The following LYST variants were observed in gnomAD, a reference collection of about 807,000 sequenced individuals.
The protein encoded by LYST is lysosomal-trafficking regulator.
LYST carries 192 observed loss-of-function variants against 413.6 expected under a neutral mutation model. The observed-to-expected ratio is 0.46, with a 90% CI of 0.41 to 0.52. LYST has a LOEUF of 0.52. Among genes scored for constraint, LYST ranks in the 20% least tolerant of loss-of-function variants. The pLI is 0.00. For synonymous variants in LYST, 1,525 were observed against 1,567.3 expected (o/e 0.97, Z 0.64); for missense variants, 3,815 against 4,499.9 (o/e 0.85, Z 4.35).
At position 235,686,431 on chromosome 1, in the gene LYST, G is replaced by C. The variant is rs1433582728; in HGVS notation, c.10800+518C>G. ...AAAACAGTAAATTAAAAGAAGCATT[G>C]CATAATCTGTCTTATTTTTTCCCGT... On this transcript the variant is annotated intron_variant, in intron 48 of 52. Coordinates refer to ENST00000389793, the MANE Select transcript of LYST (RefSeq NM_000081.4). The surrounding 1 kb of genome is among the most constrained non-coding windows in gnomAD (Gnocchi z 4.0). 1.3e-5 allele frequency among the ~76,000 whole-genome samples: 2 copies of C among 152,200 alleles called. No homozygotes were observed. The highest frequency in any genetic ancestry group is 4.1e-4 in the South Asian group (2 of 4,820).
chr1:235,730,706 A>G (rs1427440535), intron 36 of LYST, 141 bp downstream of exon 36: 1 of 673,918 alleles, frequency 1.5e-6, no homozygotes, highest in Admixed American at 2.5e-5. Flanking sequence ...TTTTGGCCAT[A>G]TAACCTTGTC....
At chr1:235,763,865 C>A (rs575516599) in intron 21 of LYST, among the ~76,000 whole-genome samples, 62 of 152,242 alleles carry the variant, frequency 4.1e-4, no homozygotes, top group African/African-American at 1.5e-3. Flanking sequence ...TAAATGGTAT[C>A]CTTGATGAGC....
chr1:235,788,885 C>T (rs760116262), intron 12 of LYST, 40 bp from the exon 13 acceptor site: 13 of 1,588,876 alleles, frequency 8.2e-6, no homozygotes, highest in East Asian at 2.2e-5. Flanking sequence ...TAAAATGGTT[C>T]GTAACAACTG....
At position 235,788,841 on chromosome 1, in the gene LYST, G is replaced by A. The variant is rs116551057; in HGVS notation, c.4548C>T (p.Ser1516=). ...TGTACTCTGCACCTTCTGGTCTGTCGCTCTCTATAAGAAAAAGATGTTAGA... is the reference window on the plus strand; with the variant it reads ...TGTACTCTGCACCTTCTGGTCTGTCACTCTCTATAAGAAAAAGATGTTAGA... ...LPDSSFDGTE[S]DRPEGAEYIN... The change falls in exon 13 of 53, where the codon AGC becomes AGT. Residue 1516 remains serine, a synonymous_variant. Transcript: ENST00000389793. 1.8e-4 allele frequency: 292 copies of A among 1,612,978 alleles called. 1 individual carries two copies. The African/African-American group carries it at 3.3e-3, about 18-fold the overall frequency.
chr1:235,694,618 T>C lies in LYST; in HGVS notation c.10565-1132A>G, dbSNP rs555516686. ...GTGAAAATAGGCAATTCACAGCTTT[T>C]TGTTTTGCTGAGTAAAATAAGAAAT... On this transcript the variant is annotated intron_variant, in intron 46 of 52. Coordinates refer to ENST00000389793, the MANE Select transcript of LYST (RefSeq NM_000081.4). Among the ~76,000 whole-genome samples, 28 of 152,304 alleles carry C rather than the reference T, an allele frequency of 1.8e-4. 1 individual carries two copies. The South Asian group carries it at 5.6e-3, about 30-fold the overall frequency.
intron 1 of LYST, among the ~76,000 whole-genome samples, chr1:235,840,724 A>G (rs1677109885): frequency 6.6e-6 from 1 of 152,236 alleles, no homozygotes; most frequent in Non-Finnish European, 1.5e-5. Flanking sequence ...TCTAGTGGCA[A>G]TGTGGAAGAC....
At position 235,674,829 on chromosome 1, in the gene LYST, T is replaced by A. The variant is rs1659245508; in HGVS notation, c.11038+2262A>T. On this transcript the variant is annotated intron_variant, in intron 50 of 52. Transcript: ENST00000389793. The surrounding 1 kb of genome is among the most constrained non-coding windows in gnomAD (Gnocchi z 4.1). ...GGGCCTTACCACCCTAGCAAATAAA[T>A]TAGCCGAAAAGTCATAGAAAAATGG... Among the ~76,000 whole-genome samples, 1 of 152,146 alleles carries A rather than the reference T, an allele frequency of 6.6e-6. No homozygotes were observed. Among genetic ancestry groups the A allele is most frequent in the South Asian group, 2.1e-4 (1 of 4,820 alleles).
chr1:235,743,843 T>G (rs1178730488), intron 30 of LYST, 136 bp downstream of exon 30: 2 of 587,182 alleles, frequency 3.4e-6, no homozygotes, highest in Admixed American at 6.3e-5. Context: ...AATTAAAAAT[T>G]CAAGTTGTCC....
chr1:235,729,615 T>C lies in LYST; in HGVS notation c.9087A>G (p.Thr3029=). The change falls in exon 37 of 53, where the codon ACA becomes ACG. Residue 3029 remains threonine, a synonymous_variant. Transcript: ENST00000389793. ...RCISVAPSRE[T]AGELLLGKCG... The stretch of plus-strand genomic sequence containing the variant: ...ACTTACCTAGTAACAATTCACCAGC[T>C]GTCTCTCTAGATGGTGCAACACTGA... 6.2e-7 allele frequency: 1 copy of C among 1,611,044 alleles called. No homozygotes were observed. Among genetic ancestry groups the C allele is most frequent in the Middle Eastern group, 1.7e-4 (1 of 6,028 alleles).
At chr1:235,866,382 G>A (rs995692696) in intron 1 of LYST, among the ~76,000 whole-genome samples, 1 of 152,214 alleles carries the variant, frequency 6.6e-6, no homozygotes, top group Non-Finnish European at 1.5e-5. Flanking sequence ...CGGCTGGGTG[G>A]TGGCGCGGAA....
chr1:235,786,294 G>T (rs186777847), intron 14 of LYST, among the ~76,000 whole-genome samples: 6 of 152,252 alleles, frequency 3.9e-5, no homozygotes, highest in Non-Finnish European at 2.9e-5. Context: ...TGACAGATTT[G>T]TAAGTTAAAG....
chr1:235,828,062 T>A, intron 3 of LYST: 1 of 669,530 alleles, frequency 1.5e-6, no homozygotes, highest in Non-Finnish European at 1.8e-6. Flanking sequence ...GAACTAAAAC[T>A]ACAATAAGAT....
intron 38 of LYST, among the ~76,000 whole-genome samples, chr1:235,727,778 A>G (rs1371445149): frequency 4.6e-5 from 7 of 152,318 alleles, no homozygotes; most frequent in South Asian, 4.1e-4. Flanking sequence ...CAAGGAATAG[A>G]TATTTGTTGC....
At chr1:235,744,604 T>G (rs932133930) in intron 29 of LYST, among the ~76,000 whole-genome samples, 1 of 121,836 alleles carries the variant, frequency 8.2e-6, no homozygotes, top group Non-Finnish European at 1.8e-5. Context: ...ATTAGAAAAG[T>G]GGAAAAAAAA....
intron 1 of LYST, among the ~76,000 whole-genome samples, chr1:235,866,560 A>G (rs1178761349): frequency 6.6e-6 from 1 of 152,190 alleles, no homozygotes; most frequent in Non-Finnish European, 1.5e-5. Context: ...GGCCGCTGCA[A>G]TGGCCCAGAG....
chr1:235,667,508 T>A (rs1193855419), intron 50 of LYST, among the ~76,000 whole-genome samples: 1 of 152,180 alleles, frequency 6.6e-6, no homozygotes. Context: ...TTTGAGAAGA[T>A]GTTACACATA....
intron 6 of LYST, among the ~76,000 whole-genome samples, chr1:235,804,990 T>C (rs1018438783): frequency 6.6e-5 from 10 of 152,176 alleles, no homozygotes; most frequent in African/African-American, 2.4e-4. Context: ...TGAATTTCAA[T>C]TGTGGAAATT....
rs558387446 is a variant in LYST, at chr1:235,669,727, G to A, written c.11039-5106C>T. On this transcript the variant is annotated intron_variant, in intron 50 of 52. Transcript: ENST00000389793. ...GATTCTATATCCAGGCCCTTGAGCC[G>A]CTGCTTGGGTCCACTTCCACACTGC... Among the ~76,000 whole-genome samples the A allele has an allele frequency of 2.6e-5, 4 of 152,290 alleles. No homozygotes were observed. The South Asian group carries it at 8.3e-4, about 32-fold the overall frequency.
At chr1:235,830,985 T>C (rs1675909049) in intron 2 of LYST, among the ~76,000 whole-genome samples, 1 of 152,106 alleles carries the variant, frequency 6.6e-6, no homozygotes, top group African/African-American at 2.4e-5. Context: ...TAATGTGACA[T>C]TTTAAGATTA....
Sources: gnomAD v4.1 joint callset for allele counts (sites outside exome capture counted in the v4.1 genomes callset) on GRCh38, gnomAD v4.1.1 for gene constraint, Gnocchi (gnomAD v3.1) non-coding constraint, MANE v1.5 for transcripts, NCBI Gene and HGNC (gene_info 2026-07-23, HGNC 2026-07-21) for gene names.